ELOVL6: variants seen among roughly 807,000 people sequenced by gnomAD.
The protein encoded by ELOVL6 is very long chain fatty acid elongase 6.
Under a neutral mutation model 31.7 loss-of-function variants are expected in ELOVL6, and 8 were observed. That is an observed-to-expected ratio of 0.25 (90% confidence interval 0.15 to 0.45). ELOVL6 has a LOEUF of 0.45. Ranked by LOEUF, ELOVL6 falls within the 20% of genes least tolerant of loss-of-function variation. ELOVL6 has a pLI of 1.00. For synonymous variants in ELOVL6, 101 were observed against 117.7 expected (o/e 0.86, Z 0.92); for missense variants, 126 against 326.4 (o/e 0.39, Z 4.73).
chr4:110,074,391 G>A (rs997788898), intron 2 of ELOVL6, among the ~76,000 whole-genome samples: 6 of 152,140 alleles, frequency 3.9e-5, no homozygotes, highest in Non-Finnish European at 8.8e-5. Context: ...AGATATGGAG[G>A]GCTGACTGTA....
At chr4:110,080,454 C>T (rs1343207314) in intron 2 of ELOVL6, among the ~76,000 whole-genome samples, 5 of 152,102 alleles carry the variant, frequency 3.3e-5, no homozygotes, top group African/African-American at 4.8e-5. Flanking sequence ...AATCAGTAAA[C>T]GTAATCCAGG....
intron 1 of ELOVL6, among the ~76,000 whole-genome samples, chr4:110,190,128 G>A (rs1377409664): frequency 6.6e-6 from 1 of 151,752 alleles, no homozygotes; most frequent in African/African-American, 2.4e-5. Flanking sequence ...ATGAATCCCT[G>A]TAAATAAAAG....
intron 3 of ELOVL6, among the ~76,000 whole-genome samples, chr4:110,052,203 T>C (rs886810479): frequency 2.1e-4 from 32 of 152,240 alleles, no homozygotes; most frequent in Non-Finnish European, 8.8e-5. Flanking sequence ...TTAGATCATT[T>C]ATCAATCAAA....
chr4:110,046,097 C>A lies in ELOVL6; in HGVS notation c.*5241G>T, dbSNP rs1173746281. On this transcript the variant is annotated 3_prime_UTR_variant, in exon 4 of 4. Transcript: ENST00000302274. ...GCCTGAATATGTCTAGACAGGCAGA[C>A]CTGTTTGAAACGAGTATGACCAGGG... 3 of 152,072 alleles carry A rather than the reference C, an allele frequency of 2.0e-5. No individual in the cohort carries two copies. Among genetic ancestry groups the A allele is most frequent in the Non-Finnish European group, 4.4e-5 (3 of 68,022 alleles). The allele number at this position is 152,072 out of a possible 1,614,324, so 9.4% of individuals were successfully genotyped here. A position where few individuals can be genotyped will look rare whatever the true frequency, so the allele number is the denominator to read the frequency against.
intron 2 of ELOVL6, among the ~76,000 whole-genome samples, chr4:110,088,663 T>C (rs148698018): frequency 6.6e-6 from 1 of 152,304 alleles, no homozygotes; most frequent in East Asian, 1.9e-4. Flanking sequence ...CTTTGGCATA[T>C]CCAAGTAGCC....
intron 1 of ELOVL6, among the ~76,000 whole-genome samples, chr4:110,140,051 T>C (rs1000840068): frequency 6.6e-6 from 1 of 152,220 alleles, no homozygotes; most frequent in Non-Finnish European, 1.5e-5. Context: ...CTGCCTTAGC[T>C]GGGACTGGCT....
chr4:110,135,869 G>A (rs1757795876), intron 1 of ELOVL6, among the ~76,000 whole-genome samples: 1 of 152,202 alleles, frequency 6.6e-6, no homozygotes, highest in African/African-American at 2.4e-5. Flanking sequence ...ACAATTTAAT[G>A]TAAGGCTTGG....
intron 1 of ELOVL6, among the ~76,000 whole-genome samples, chr4:110,161,257 CTGT>C (rs1252948355): frequency 6.6e-6 from 1 of 152,102 alleles, no homozygotes; most frequent in Non-Finnish European, 1.5e-5. Flanking sequence ...TCAAGATGCA[CTGT>C]TAAGTCCATA....
intron 2 of ELOVL6, among the ~76,000 whole-genome samples, chr4:110,096,989 T>C (rs188536661): frequency 1.2e-4 from 18 of 152,052 alleles, no homozygotes; most frequent in African/African-American, 4.3e-4. Context: ...GCTCTCAGAT[T>C]GAAAGGGATT....
chr4:110,109,057 C>T (rs1280900437), intron 1 of ELOVL6, among the ~76,000 whole-genome samples: 1 of 152,164 alleles, frequency 6.6e-6, no homozygotes, highest in Non-Finnish European at 1.5e-5. Flanking sequence ...TCTGGCATCT[C>T]TCCGGTAAAG....
Position 110,050,974 on chromosome 4 carries a change from T to G in ELOVL6, c.*364A>C. On this transcript the variant is annotated 3_prime_UTR_variant, in exon 4 of 4. Transcript: ENST00000302274. ...GTAAAAATCTTTCATCTTAGAGAAA[T>G]GTGACACTTAGTAAATACATTTTTT... The G allele has an allele frequency of 4.7e-6, 1 of 214,656 alleles. No individual in the cohort carries two copies. The highest frequency in any genetic ancestry group is 9.4e-6 in the Non-Finnish European group (1 of 106,456). The allele number at this position is 214,656 out of a possible 1,614,324, so 13.3% of individuals were successfully genotyped here. A position where few individuals can be genotyped will look rare whatever the true frequency, so the allele number is the denominator to read the frequency against.
At chr4:110,197,417 C>G (rs1314474607) in intron 1 of ELOVL6, among the ~76,000 whole-genome samples, 3 of 152,140 alleles carry the variant, frequency 2.0e-5, no homozygotes, top group Admixed American at 6.5e-5. Flanking sequence ...TTATTAGTTT[C>G]CTAGGGAAGA....
At chr4:110,141,858 T>TATATATATA (rs1240213099) in intron 1 of ELOVL6, among the ~76,000 whole-genome samples, 2 of 108,656 alleles carry the variant, frequency 1.8e-5, no homozygotes, top group Non-Finnish European at 3.4e-5. Context: ...ACAATTAGTA[T>TATATATATA]ATATATATAT....
At chr4:110,187,398 A>G (rs1759481213) in intron 1 of ELOVL6, among the ~76,000 whole-genome samples, 1 of 151,720 alleles carries the variant, frequency 6.6e-6, no homozygotes, top group African/African-American at 2.4e-5. Context: ...CATATAACCT[A>G]ACTGCTTGGA....
At chr4:110,093,076 A>T (rs1363669300) in intron 2 of ELOVL6, 1 of 447,240 alleles carries the variant, frequency 2.2e-6, no homozygotes, top group Non-Finnish European at 4.4e-6. Flanking sequence ...ATACTATCCC[A>T]TTTTGGTAAA....
chr4:110,070,765 C>T (rs933708893), intron 2 of ELOVL6, among the ~76,000 whole-genome samples: 1 of 152,108 alleles, frequency 6.6e-6, no homozygotes, highest in Non-Finnish European at 1.5e-5. Flanking sequence ...CTTTCTTCGG[C>T]CAGTAAGATA....
At chr4:110,078,162 T>A (rs915596261) in intron 2 of ELOVL6, among the ~76,000 whole-genome samples, 14 of 152,204 alleles carry the variant, frequency 9.2e-5, no homozygotes, top group African/African-American at 3.4e-4. Context: ...TGGAAAACAC[T>A]CTGCAGGATA....
chr4:110,090,596 C>CTTCCTTTTT (rs1206850406), intron 2 of ELOVL6, among the ~76,000 whole-genome samples: 7 of 82,556 alleles, frequency 8.5e-5, no homozygotes, highest in African/African-American at 4.4e-4. Context: ...GAAAGTTTGA[C>CTTCCTTTTT]TTTCTTTTTT....
chr4:110,153,993 T>A lies in ELOVL6; in HGVS notation c.89+44254A>T, dbSNP rs536762693. On this transcript the variant is annotated intron_variant, in intron 1 of 3. Transcript: ENST00000302274. ...ATACCAAGGCACAGACTTTGTCTAT[T>A]AAAATTACCAATTCCACTTTTATTT... is the stretch of plus-strand genomic sequence containing the variant. 2.6e-5 allele frequency among the ~76,000 whole-genome samples: 4 copies of A among 152,370 alleles called. No individual in the cohort carries two copies. The South Asian group carries it at 8.3e-4, about 32-fold the overall frequency.
Sources: gnomAD v4.1 joint callset for allele counts (sites outside exome capture counted in the v4.1 genomes callset) on GRCh38, gnomAD v4.1.1 for gene constraint, MANE v1.5 for transcripts, NCBI Gene and HGNC (gene_info 2026-07-23, HGNC 2026-07-21) for gene names.